The following HKDC1 variants were observed in gnomAD, a reference collection of about 807,000 sequenced individuals.
HKDC1 encodes the protein hexokinase domain containing 1.
HKDC1 carries 66 observed loss-of-function variants against 96.6 expected under a neutral mutation model. That is an observed-to-expected ratio of 0.68 (90% CI 0.56 to 0.84). HKDC1 has a LOEUF of 0.84. Ranked by LOEUF, HKDC1 falls within the 40% of genes least tolerant of loss-of-function variation. The pLI, the probability that HKDC1 is intolerant of heterozygous loss-of-function variation, is 0.00. For missense variants in HKDC1, 1,211 were observed against 1,208.1 expected, an observed-to-expected ratio of 1.00 and a Z score of -0.04; for synonymous variants, 466 against 473.1, an observed-to-expected ratio of 0.98 and a Z score of 0.20.
At chr10:69,227,696 AT>A (rs1843183637) in intron 2 of HKDC1, among the ~76,000 whole-genome samples, 1 of 152,056 alleles carries the variant, frequency 6.6e-6, no homozygotes, top group Non-Finnish European at 1.5e-5. Flanking sequence ...TCTAGGAAGT[AT>A]CCCTGTGCTG....
rs755266423 is a variant in HKDC1 at position 69,240,647 on chromosome 10, G to C, written c.592-5G>C. On this transcript the variant is annotated splice_region_variant and splice_polypyrimidine_tract_variant and intron_variant, in intron 5 of 17. Coordinates refer to ENST00000354624, the MANE Select transcript of HKDC1 (RefSeq NM_025130.4). ...GCTGATTCCCTCTGGCCTTGTGTTC[G>C]GCAGGACATGGACGTGGACATCCTG... The C allele has an allele frequency of 1.9e-6, 3 of 1,612,892 alleles. No homozygotes were observed. The highest frequency in any genetic ancestry group is 2.2e-5 in the South Asian group (2 of 90,984).
intron 14 of HKDC1, 75 bp from the exon 15 acceptor site, chr10:69,258,701 T>C: frequency 6.9e-7 from 1 of 1,444,988 alleles, no homozygotes; most frequent in Non-Finnish European, 9.7e-7. Flanking sequence ...TAAATTCTTA[T>C]TTGCTGCACT....
intron 12 of HKDC1, among the ~76,000 whole-genome samples, chr10:69,255,929 A>C (rs145616253): frequency 1.2e-4 from 16 of 138,872 alleles, no homozygotes; most frequent in East Asian, 2.1e-4. Context: ...AAAAAAAAAA[A>C]ACAAAAAAAA....
In HKDC1 at chr10:69,267,425, G is replaced by A. The variant is rs1292269138; in HGVS notation, c.*668G>A. 2 of 449,918 alleles carry A rather than the reference G, an allele frequency of 4.4e-6. No homozygotes were observed. The highest frequency in any genetic ancestry group is 8.9e-6 in the Non-Finnish European group (2 of 225,638). 27.9% of individuals were successfully genotyped at this position (449,918 alleles called of 1,614,324 possible). ...TATTAAGTGTGTGCCATGTGGTGGG[G>A]TGCTGTCTGGGGCATCTGTTTTTCA... On this transcript the variant is annotated 3_prime_UTR_variant, in exon 18 of 18. Transcript: ENST00000354624.
intron 8 of HKDC1, 110 bp from the exon 9 acceptor site, chr10:69,247,250 G>T (rs1263447832): frequency 1.4e-6 from 1 of 715,226 alleles, no homozygotes; most frequent in Non-Finnish European, 2.5e-6. Context: ...TCTATACCAT[G>T]GACCTGCCTA....
intron 5 of HKDC1, among the ~76,000 whole-genome samples, chr10:69,240,073 G>A (rs188304318): frequency 3.9e-5 from 6 of 152,288 alleles, no homozygotes; most frequent in Admixed American, 2.0e-4. Flanking sequence ...AGTTGTCCCC[G>A]TGGGTGAGGA....
intron 12 of HKDC1, among the ~76,000 whole-genome samples, chr10:69,255,337 A>G (rs1843702003): frequency 6.6e-6 from 1 of 152,260 alleles, no homozygotes; most frequent in Non-Finnish European, 1.5e-5. Flanking sequence ...CAACCAGGAA[A>G]GGAGCCAGCC....
At chr10:69,236,641 G>A (rs1282094041) in intron 4 of HKDC1, among the ~76,000 whole-genome samples, 8 of 151,720 alleles carry the variant, frequency 5.3e-5, no homozygotes, top group East Asian at 3.9e-4. Context: ...TTAGTCGGGC[G>A]TGGTGGCACA....
intron 1 of HKDC1, among the ~76,000 whole-genome samples, chr10:69,226,240 C>A (rs1218830115): frequency 6.6e-6 from 1 of 152,160 alleles, no homozygotes; most frequent in East Asian, 1.9e-4. Flanking sequence ...GGGTATGGTC[C>A]TCTGTCCCCG....
rs796052175 is a variant in HKDC1, at chr10:69,246,204, T to A, written c.1001T>A (p.Ile334Asn). ...KSSALHTKGKIETRHVAAMEK... is the reference protein window; with the variant it reads ...KSSALHTKGKNETRHVAAMEK... ...TCTGCTCTCCACACTAAGGGCAAGATCGAAACACGGCACGTGGCTGCCATG... is the reference window on the plus strand; with the variant it reads ...TCTGCTCTCCACACTAAGGGCAAGAACGAAACACGGCACGTGGCTGCCATG... Residue 334 changes from isoleucine (I) to asparagine (N), a missense_variant, in exon 8 of 18, where the codon ATC becomes AAC. By Grantham distance (149) the Ile-to-Asn change is moderately radical. Transcript: ENST00000354624. 1 of 1,614,102 alleles carries A rather than the reference T, an allele frequency of 6.2e-7. No homozygotes were observed. Among genetic ancestry groups the A allele is most frequent in the East Asian group, 2.2e-5 (1 of 44,882 alleles).
At chr10:69,226,201 C>T (rs141853050) in intron 1 of HKDC1, among the ~76,000 whole-genome samples, 1 of 152,278 alleles carries the variant, frequency 6.6e-6, no homozygotes, top group Non-Finnish European at 1.5e-5. Flanking sequence ...TGATTTTAGC[C>T]ATAGTGATTT....
At chr10:69,261,366 T>G (rs1402983538) in intron 16 of HKDC1, 72 bp downstream of exon 16, 9 of 1,485,564 alleles carry the variant, frequency 6.1e-6, no homozygotes, top group Non-Finnish European at 4.7e-6. Context: ...TTGGGCCAAT[T>G]TGAGGTTTAA....
intron 12 of HKDC1, among the ~76,000 whole-genome samples, chr10:69,254,933 G>A (rs1843696189): frequency 6.6e-6 from 1 of 152,230 alleles, no homozygotes; most frequent in Admixed American, 6.5e-5. Context: ...TCTCAGATTG[G>A]GAGGATGGGA....
chr10:69,240,906 G>A (rs920415621), intron 6 of HKDC1, among the ~76,000 whole-genome samples, 155 bp downstream of exon 6: 11 of 152,084 alleles, frequency 7.2e-5, no homozygotes, highest in Non-Finnish European at 8.8e-5. Context: ...TCATCCATTC[G>A]ACAAGTGTTT....
In HKDC1 at chr10:69,257,207, A is replaced by G; in HGVS notation, c.1932+76A>G. The G allele has an allele frequency of 3.4e-6, 5 of 1,468,176 alleles. No homozygotes were observed. In the South Asian group the frequency reaches 5.7e-5, roughly 17 times the overall value. 90.9% of individuals were successfully genotyped at this position (1,468,176 alleles called of 1,614,324 possible). ...CCCTCTGCTCTGCCATCCTCTGCCC[A>G]GTTCCTATGACTCTGGCCTCTGTCT... On this transcript the variant is annotated intron_variant, in intron 13 of 17. Coordinates refer to ENST00000354624, the MANE Select transcript of HKDC1 (RefSeq NM_025130.4).
At chr10:69,261,317 A>G (rs2132378983) in intron 16 of HKDC1, 23 bp downstream of exon 16, 2 of 1,610,972 alleles carry the variant, frequency 1.2e-6, no homozygotes, top group Non-Finnish European at 1.7e-6. Context: ...CAAGTTCATC[A>G]TGAGGCTCTG....
chr10:69,240,785 G>T lies in HKDC1; in HGVS notation c.691+34G>T, dbSNP rs3740599. 0.07 allele frequency: 106,144 copies of T among 1,522,106 alleles called. 4,275 individuals are homozygous for T. The highest frequency in any genetic ancestry group is 0.18 in the East Asian group (8,180 of 44,368). The allele number at this position is 1,522,106 out of a possible 1,614,324, so 94.3% of individuals were successfully genotyped here. A position where few individuals can be genotyped will look rare whatever the true frequency, so the allele number is the denominator to read the frequency against. Reference sequence around the variant, plus strand: ...ATTGGACTGGTTTTTTGAGGGTAGGGGAGAAGGGACTGTTTGGGAGTTTCA... The same window carrying T: ...ATTGGACTGGTTTTTTGAGGGTAGGTGAGAAGGGACTGTTTGGGAGTTTCA... On this transcript the variant is annotated intron_variant, in intron 6 of 17. Coordinates refer to ENST00000354624, the MANE Select transcript of HKDC1 (RefSeq NM_025130.4).
chr10:69,259,727 G>A (rs555279591), intron 15 of HKDC1, among the ~76,000 whole-genome samples: 2 of 152,286 alleles, frequency 1.3e-5, no homozygotes, highest in Admixed American at 6.5e-5. Flanking sequence ...AAGCAGGCAC[G>A]TCTTACATGG....
At chr10:69,220,914 C>A (rs1211894516) in intron 1 of HKDC1, among the ~76,000 whole-genome samples, 2 of 152,132 alleles carry the variant, frequency 1.3e-5, no homozygotes, top group African/African-American at 4.8e-5. Context: ...CTTTAGGAGG[C>A]CGAGGTGGGC....
Sources: allele counts gnomAD v4.1 joint callset (sites outside exome capture counted in the v4.1 genomes callset), GRCh38; gene constraint gnomAD v4.1.1; transcripts MANE v1.5; gene names NCBI Gene and HGNC (gene_info 2026-07-23, HGNC 2026-07-21).